Variants in THSD7A observed in about 807,000 individuals in gnomAD.
THSD7A encodes thrombospondin type 1 domain containing 7A, also known as thrombospondin type-1 domain-containing protein 7A.
Under a neutral mutation model 231.3 loss-of-function variants are expected in THSD7A, and 96 were observed. The ratio of observed to expected loss-of-function variants is 0.41; its 90% CI spans 0.35 to 0.49. The LOEUF (loss-of-function observed/expected upper bound fraction) is 0.49. THSD7A is among the 20% of genes least tolerant of loss of function. The pLI, the probability that THSD7A is intolerant of heterozygous loss-of-function variation, is 0.05. For synonymous variants in THSD7A, 940 were observed against 743.3 expected, an observed-to-expected ratio of 1.26 and a Z score of -4.30; for missense variants, 2,290 against 2,070.2, an observed-to-expected ratio of 1.11 and a Z score of -2.06.
chr7:11,737,267 C>T (rs934070005), intron 1 of THSD7A, among the ~76,000 whole-genome samples: 2 of 151,670 alleles, frequency 1.3e-5, no homozygotes, highest in Non-Finnish European at 2.9e-5. Flanking sequence ...AGAGAACTGG[C>T]TGCTTCTGAA....
chr7:11,379,417 A>G, intron 25 of THSD7A, 137 bp from the exon 26 acceptor site: 3 of 921,490 alleles, frequency 3.3e-6, no homozygotes, highest in East Asian at 2.6e-5. Context: ...ATTTTTAACT[A>G]CAAAGAAACA....
chr7:11,459,665 ATTTTTTTTTTTTT>A (rs34415355), intron 11 of THSD7A, among the ~76,000 whole-genome samples: 21 of 39,918 alleles, frequency 5.3e-4, no homozygotes, highest in South Asian at 3.7e-3. Context: ...AAAACAGGGG[ATTTTTTTTTTTTT>A]TTTTTTTTTT....
rs184038072 is a variant in THSD7A, at chr7:11,793,238, T to C, written c.190+38519A>G. Among the ~76,000 whole-genome samples the C allele has an allele frequency of 4.6e-5, 7 of 152,032 alleles. No individual in the cohort carries two copies. The East Asian group carries it at 1.2e-3, about 25-fold the overall frequency. On this transcript the variant is annotated intron_variant, in intron 1 of 27. Transcript: ENST00000423059. ...TGCCGAAATTTTAATGATAGACTTA[T>C]TGTCTACTTTTTAAACAAAACAACA...
chr7:11,737,753 G>C lies in THSD7A; in HGVS notation c.190+94004C>G, dbSNP rs1781966693. Among the ~76,000 whole-genome samples, 4 of 151,950 alleles carry C rather than the reference G, an allele frequency of 2.6e-5. No individual in the cohort carries two copies. The South Asian group carries it at 8.3e-4, about 32-fold the overall frequency. On this transcript the variant is annotated intron_variant, in intron 1 of 27. Coordinates refer to ENST00000423059, the MANE Select transcript of THSD7A (RefSeq NM_015204.3). ...AATTAAAACAAGTTTAAAAATGAAA[G>C]ATATTTCAAAAGATACCCACAGATC...
chr7:11,381,650 T>A (rs559947670), intron 24 of THSD7A, among the ~76,000 whole-genome samples: 1 of 152,306 alleles, frequency 6.6e-6, no homozygotes, highest in South Asian at 2.1e-4. Context: ...GCTGTTGCTA[T>A]GCTATGGCAA....
intron 1 of THSD7A, among the ~76,000 whole-genome samples, chr7:11,685,205 T>C (rs571153170): frequency 1.4e-4 from 21 of 151,788 alleles, no homozygotes; most frequent in Non-Finnish European, 2.4e-4. Context: ...ATACCTCTCA[T>C]CATATACAAA....
At chr7:11,817,716 TATCTTTA>T (rs1784748428) in intron 1 of THSD7A, among the ~76,000 whole-genome samples, 1 of 152,244 alleles carries the variant, frequency 6.6e-6, no homozygotes, top group Non-Finnish European at 1.5e-5. Flanking sequence ...TATCTCAAGC[TATCTTTA>T]AATAATCTGT....
At chr7:11,769,153 A>ATATATATATATATATTTTTTTTTTTTT in intron 1 of THSD7A, among the ~76,000 whole-genome samples, 1 of 27,662 alleles carries the variant, frequency 3.6e-5, no homozygotes, top group African/African-American at 1.2e-4. Context: ...ATATATATAT[A>ATATATATATATATATTTTTTTTTTTTT]TTTTTTTTTT....
chr7:11,379,408 T>A, intron 25 of THSD7A, 128 bp from the exon 26 acceptor site: 1 of 954,860 alleles, frequency 1.0e-6, no homozygotes, highest in South Asian at 1.7e-5. Context: ...TCCTCTATTA[T>A]TTTTAACTAC....
At chr7:11,466,144 G>A (rs1044082431) in intron 9 of THSD7A, among the ~76,000 whole-genome samples, 2 of 152,116 alleles carry the variant, frequency 1.3e-5, no homozygotes, top group Admixed American at 6.6e-5. Flanking sequence ...TAAAAAGAAG[G>A]ATAGTCCTGC....
chr7:11,718,901 G>C (rs1308273181), intron 1 of THSD7A, among the ~76,000 whole-genome samples: 1 of 151,078 alleles, frequency 6.6e-6, no homozygotes, highest in African/African-American at 2.4e-5. Context: ...ACATATTATG[G>C]ATACTGTTGA....
intron 1 of THSD7A, among the ~76,000 whole-genome samples, chr7:11,783,444 T>C (rs572284750): frequency 4.1e-4 from 63 of 152,260 alleles, no homozygotes; most frequent in African/African-American, 1.5e-3. Flanking sequence ...AGTCAAAAAA[T>C]CTTAAGTCTA....
At chr7:11,719,211 T>C (rs1251035029) in intron 1 of THSD7A, among the ~76,000 whole-genome samples, 1 of 151,614 alleles carries the variant, frequency 6.6e-6, no homozygotes, top group Admixed American at 6.6e-5. Flanking sequence ...CTGGGTTCCT[T>C]CTATCTTCCC....
At chr7:11,555,327 C>G (rs1271876178) in intron 4 of THSD7A, among the ~76,000 whole-genome samples, 5 of 151,902 alleles carry the variant, frequency 3.3e-5, no homozygotes, top group Admixed American at 3.3e-4. Flanking sequence ...TTGAGAATTC[C>G]TCTTTCACAC....
chr7:11,771,267 C>G (rs1783220201), intron 1 of THSD7A, among the ~76,000 whole-genome samples: 1 of 151,374 alleles, frequency 6.6e-6, no homozygotes, highest in African/African-American at 2.4e-5. Context: ...ATCATGTAGG[C>G]ACATCTAATA....
Position 11,474,388 on chromosome 7 carries a change from T to C in THSD7A, c.2198A>G (p.Gln733Arg). The C allele has an allele frequency of 6.2e-7, 1 of 1,613,580 alleles. No homozygotes were observed. Among genetic ancestry groups the C allele is most frequent in the South Asian group, 1.1e-5 (1 of 91,056 alleles). The change falls in exon 8 of 28, where the codon CAG (glutamine) becomes CGG (arginine). Residue 733 changes from glutamine (Q) to arginine (R), a missense_variant. Transcript: ENST00000423059. This position sits in a 1 kb window ranked among gnomAD's most constrained non-coding sequence, Gnocchi z 4.1. ...NGEASCSVGM[Q>R]TRKVICVRVN... The stretch of plus-strand genomic sequence containing the variant: ...TCGCACACAGATGACTTTTCTTGTC[T>C]GCATGCCGACAGAGCAGGAGGCCTC...
intron 1 of THSD7A, among the ~76,000 whole-genome samples, chr7:11,792,401 T>C (rs112422284): frequency 3.6e-4 from 54 of 152,102 alleles, no homozygotes; most frequent in African/African-American, 1.1e-3. Flanking sequence ...ACATGAGTCC[T>C]TAATCATCTG....
rs1367502979 is a variant in THSD7A at position 11,521,467 on chromosome 7, ATTTT to A, written c.1822+19948_1822+19951del. Among the ~76,000 whole-genome samples the A allele has an allele frequency of 1.9e-4, 21 of 111,596 alleles. 5 individuals are homozygous for A. The highest frequency in any genetic ancestry group is 8.7e-4 in the African/African-American group (21 of 24,178). The allele number at this position is 111,596 out of a possible 152,430, so 73.2% of individuals were successfully genotyped here. A position where few individuals can be genotyped will look rare whatever the true frequency, so the allele number is the denominator to read the frequency against. The stretch of plus-strand genomic sequence containing the variant: ...CTGAGACAGGGCCACATTCTTTTTT[ATTTT>A]TTTATTTTATTTATTTATTTATTTA... On this transcript the variant is annotated intron_variant, in intron 6 of 27. Coordinates refer to ENST00000423059, the MANE Select transcript of THSD7A (RefSeq NM_015204.3).
chr7:11,717,941 T>G (rs1452011821), intron 1 of THSD7A, among the ~76,000 whole-genome samples: 1 of 151,670 alleles, frequency 6.6e-6, no homozygotes, highest in Non-Finnish European at 1.5e-5. Flanking sequence ...GATCTTTGTT[T>G]AGTCTACGAT....
Sources: allele counts gnomAD v4.1 joint callset (sites outside exome capture counted in the v4.1 genomes callset), GRCh38; gene constraint gnomAD v4.1.1; non-coding constraint Gnocchi (gnomAD v3.1); transcripts MANE v1.5; gene names NCBI Gene and HGNC (gene_info 2026-07-23, HGNC 2026-07-21).